NFASC: variants seen among roughly 807,000 people sequenced by gnomAD.
The protein encoded by NFASC is neurofascin homolog.
Under a neutral mutation model 147.5 loss-of-function variants are expected in NFASC, and 43 were observed. The ratio of observed to expected loss-of-function variants is 0.29; its 90% CI spans 0.23 to 0.38. The LOEUF is 0.38. Among genes scored for constraint, NFASC ranks in the 10% least tolerant of loss-of-function variants. The pLI, the probability that NFASC is intolerant of heterozygous loss-of-function variation, is 1.00. For missense variants in NFASC, 1,320 were observed against 1,689.0 expected (o/e 0.78, Z 3.83); for synonymous variants, 622 against 665.5 (o/e 0.93, Z 1.01).
chr1:204,842,132 A>T (rs1392215076), intron 1 of NFASC, among the ~76,000 whole-genome samples: 1 of 152,180 alleles, frequency 6.6e-6, no homozygotes, highest in Admixed American at 6.5e-5. Context: ...CAGACTGGAA[A>T]CTCAAGCCTG....
chr1:204,980,449 C>T lies in NFASC; in HGVS notation c.2247+9C>T, dbSNP rs1294332199. 1.2e-6 allele frequency: 2 copies of T among 1,604,772 alleles called. No individual in the cohort carries two copies. The highest frequency in any genetic ancestry group is 8.5e-7 in the Non-Finnish European group (1 of 1,173,474). Reference sequence around the variant, plus strand: ...TGGAGATCACGTGGACGGTAAGAGGCCCTCCCAGCCCCAGTGGAGCAGCTC... The same window carrying T: ...TGGAGATCACGTGGACGGTAAGAGGTCCTCCCAGCCCCAGTGGAGCAGCTC... On this transcript the variant is annotated intron_variant, in intron 20 of 29. Coordinates refer to ENST00000339876, the MANE Select transcript of NFASC (RefSeq NM_001005388.3).
chr1:204,940,361 G>A (rs1573414784), intron 2 of NFASC, among the ~76,000 whole-genome samples: 2 of 152,262 alleles, frequency 1.3e-5, no homozygotes, highest in African/African-American at 2.4e-5. Context: ...GCTAAGGCAC[G>A]AGAATCACTT....
intron 1 of NFASC, among the ~76,000 whole-genome samples, chr1:204,842,634 A>G (rs757117792): frequency 1.1e-4 from 16 of 152,204 alleles, no homozygotes; most frequent in Non-Finnish European, 2.4e-4. Flanking sequence ...GCTCCATCTG[A>G]CCACAGAGGC....
At chr1:204,962,779 C>T (rs1334893611) in intron 8 of NFASC, among the ~76,000 whole-genome samples, 1 of 152,200 alleles carries the variant, frequency 6.6e-6, no homozygotes, top group Non-Finnish European at 1.5e-5. Context: ...ACCTAGGCCT[C>T]TCTCCTCCTT....
rs2096368921 is a variant in NFASC, at chr1:205,017,158, C to G, written c.*619C>G. 6.0e-6 allele frequency: 1 copy of G among 166,688 alleles called. No individual in the cohort carries two copies. Among genetic ancestry groups the G allele is most frequent in the Admixed American group, 5.5e-5 (1 of 18,056 alleles). 10.3% of individuals were successfully genotyped at this position (166,688 alleles called of 1,614,324 possible). A position where few individuals can be genotyped will look rare whatever the true frequency, so the allele number is the denominator to read the frequency against. ...CCCCTGGCCCCCAGCCCCTCTGCCT[C>G]GGCCTTGTCAGTTGCTGAGCTGGGC... On this transcript the variant is annotated 3_prime_UTR_variant, in exon 30 of 30. Transcript: ENST00000339876.
chr1:204,973,241 A>G (rs1558312355), intron 11 of NFASC, 35 bp from the exon 12 acceptor site: 1 of 1,612,058 alleles, frequency 6.2e-7, no homozygotes, highest in South Asian at 1.1e-5. Context: ...TGCCCTCCCC[A>G]TCTCTCATGA....
intron 1 of NFASC, among the ~76,000 whole-genome samples, chr1:204,838,856 G>T (rs1285636258): frequency 6.6e-6 from 1 of 152,172 alleles, no homozygotes; most frequent in African/African-American, 2.4e-5. Flanking sequence ...AGCCATTTTT[G>T]CCCCAAGGAA....
At chr1:204,895,771 A>G (rs978745159) in intron 1 of NFASC, among the ~76,000 whole-genome samples, 1 of 152,214 alleles carries the variant, frequency 6.6e-6, no homozygotes, top group Non-Finnish European at 1.5e-5. Context: ...TTTCCAAACC[A>G]GTACTCACAA....
chr1:205,003,290 T>G (rs1048503248), intron 27 of NFASC, among the ~76,000 whole-genome samples: 1 of 152,154 alleles, frequency 6.6e-6, no homozygotes, highest in South Asian at 2.1e-4. Flanking sequence ...TTGTCCCAAA[T>G]TTGTCTTGGC....
At chr1:204,937,327 T>C (rs1024646033) in intron 2 of NFASC, among the ~76,000 whole-genome samples, 10 of 152,168 alleles carry the variant, frequency 6.6e-5, no homozygotes, top group Admixed American at 2.0e-4. Flanking sequence ...CAGTCCACAG[T>C]TGATGTTAGG....
chr1:204,944,353 C>T lies in NFASC; in HGVS notation c.38C>T (p.Ala13Val). Residue 13 changes from alanine (A) to valine (V), a missense_variant, in exon 3 of 30, where the codon GCC becomes GTC. Ala to Val is a moderately conservative substitution (Grantham distance 64). Around this residue, in one of 3 missense-constraint regions of NFASC, gnomAD observed 981 missense variants for 1,289.5 expected, o/e 0.76. Coordinates refer to ENST00000339876, the MANE Select transcript of NFASC (RefSeq NM_001005388.3). ...CCACCGCCGCCCTGGGTCCATGCAGCCTTCCTCCTCTGCCTCCTCAGTCTT... is the reference window on the plus strand; with the variant it reads ...CCACCGCCGCCCTGGGTCCATGCAGTCTTCCTCCTCTGCCTCCTCAGTCTT... Reference protein sequence around the residue: ...RQPPPPWVHAAFLLCLLSLGG... With the variant: ...RQPPPPWVHAVFLLCLLSLGG... The T allele has an allele frequency of 6.2e-7, 1 of 1,613,738 alleles. No homozygotes were observed. The highest frequency in any genetic ancestry group is 2.2e-5 in the East Asian group (1 of 44,864).
intron 21 of NFASC, chr1:204,984,382 C>CATAT (rs55787898): frequency 0.022 from 3,012 of 134,102 alleles, 68 homozygotes; most frequent in Middle Eastern, 0.063. Context: ...TATATATACG[C>CATAT]ATATATATAT....
At chr1:204,967,972 C>CATTAAAAAAGTTT in intron 8 of NFASC, 2 of 346,444 alleles carry the variant, frequency 5.8e-6, no homozygotes, top group South Asian at 3.5e-5. Context: ...CCTCCCCGTT[C>CATTAAAAAAGTTT]CAGGGAAGGG....
At chr1:204,997,035 G>A (rs895316093) in intron 24 of NFASC, 135 bp from the exon 25 acceptor site, 152 of 1,381,322 alleles carry the variant, frequency 1.1e-4, no homozygotes, top group Non-Finnish European at 1.3e-4. Flanking sequence ...GACCCAGTCC[G>A]TTATGCTTGG....
At chr1:204,944,577 C>G (rs1033028058) in intron 3 of NFASC, among the ~76,000 whole-genome samples, 171 bp downstream of exon 3, 1 of 152,154 alleles carries the variant, frequency 6.6e-6, no homozygotes, top group Non-Finnish European at 1.5e-5. Context: ...GACACAGGCT[C>G]ATGTTTGGAA....
rs1270397980 is a variant in NFASC at position 204,913,391 on chromosome 1, A to T, written c.-199-7241A>T. On this transcript the variant is annotated intron_variant, in intron 1 of 29. Coordinates refer to ENST00000339876, the MANE Select transcript of NFASC (RefSeq NM_001005388.3). ...TGACAAGCAAGAGTAAGCAGAAAAA[A>T]TTTTTTAAAGACTATAAACTCGATT... Among the ~76,000 whole-genome samples, 3 of 152,286 alleles carry T rather than the reference A, an allele frequency of 2.0e-5. No homozygotes were observed. The East Asian group carries it at 5.8e-4, about 29-fold the overall frequency.
At chr1:205,002,828 T>G (rs912257285) in intron 27 of NFASC, 80 bp downstream of exon 27, 19 of 1,175,232 alleles carry the variant, frequency 1.6e-5, no homozygotes, top group Non-Finnish European at 2.1e-5. Context: ...CTTGCCTCTC[T>G]CCTCGGAAAG....
intron 3 of NFASC, among the ~76,000 whole-genome samples, chr1:204,948,123 C>T (rs1221543975): frequency 6.6e-6 from 1 of 152,226 alleles, no homozygotes; most frequent in East Asian, 1.9e-4. Flanking sequence ...AGAAAAGAGG[C>T]ACACGAGTAA....
At chr1:204,907,261 A>T (rs1031358799) in intron 1 of NFASC, among the ~76,000 whole-genome samples, 10 of 152,172 alleles carry the variant, frequency 6.6e-5, no homozygotes, top group African/African-American at 1.9e-4. Flanking sequence ...ATCATCTTCA[A>T]TGAAGTGTCT....
Sources: gnomAD v4.1 joint callset for allele counts (sites outside exome capture counted in the v4.1 genomes callset) on GRCh38, gnomAD v4.1.1 for gene constraint, gnomAD v4.1.1 regional missense constraint, MANE v1.5 for transcripts, NCBI Gene and HGNC (gene_info 2026-07-23, HGNC 2026-07-21) for gene names.